NAE1: variants seen among roughly 807,000 people sequenced by gnomAD.
NAE1 encodes NEDD8 activating enzyme E1 subunit 1.
A neutral mutation model predicts 88.0 loss-of-function variants in NAE1; 59 were observed. The ratio of observed to expected loss-of-function variants is 0.67; its 90% CI spans 0.54 to 0.83. The LOEUF is 0.83. Ranked by LOEUF, NAE1 falls within the 40% of genes least tolerant of loss-of-function variation. The pLI is 0.00. For missense variants in NAE1, 554 were observed against 632.8 expected (o/e 0.88, Z 1.34); for synonymous variants, 186 against 208.9 (o/e 0.89, Z 0.95).
In NAE1 at chr16:66,802,978, A is replaced by G; in HGVS notation, c.*31T>C. Reference sequence around the variant, plus strand: ...CCCGAAGGCAATTACAGTTTCAATCATTAACACACTACTTAAGGTGCTTGC... The same window carrying G: ...CCCGAAGGCAATTACAGTTTCAATCGTTAACACACTACTTAAGGTGCTTGC... On this transcript the variant is annotated 3_prime_UTR_variant, in exon 20 of 20. Coordinates refer to ENST00000290810, the MANE Select transcript of NAE1 (RefSeq NM_003905.4). The G allele has an allele frequency of 7.3e-7, 1 of 1,361,630 alleles. No homozygotes were observed. The highest frequency in any genetic ancestry group is 1.1e-6 in the Non-Finnish European group (1 of 950,836). 84.3% of individuals were successfully genotyped at this position (1,361,630 alleles called of 1,614,324 possible).
intron 4 of NAE1, among the ~76,000 whole-genome samples, chr16:66,824,075 T>C (rs565261382): frequency 6.6e-6 from 1 of 152,196 alleles, no homozygotes; most frequent in East Asian, 1.9e-4. Flanking sequence ...CAACAGAATA[T>C]TACTTAAAAC....
rs555207416 is a variant in NAE1 at position 66,818,538 on chromosome 16, A to G, written c.611T>C (p.Met204Thr). 5.7e-5 allele frequency: 92 copies of G among 1,605,364 alleles called. No homozygotes were observed. In the South Asian group the frequency reaches 8.3e-4, roughly 14 times the overall value. Residue 204 changes from methionine to threonine, a missense_variant, in exon 8 of 20, where the codon ATG becomes ACG. By Grantham distance (81) the Met-to-Thr change is moderately conservative (BLOSUM62 -1). Transcript: ENST00000290810. ...EHFQSYDLDH[M>T]EKKDHSHTPW... ...ACACACACTACCAACCTTTTTTTCC[A>G]TATGATCCAAATCATAGGACTGAAA...
intron 6 of NAE1, among the ~76,000 whole-genome samples, chr16:66,822,675 T>A (rs1960316639): frequency 7.1e-6 from 1 of 141,674 alleles, no homozygotes; most frequent in Admixed American, 6.9e-5. Context: ...TATTTATTTA[T>A]TTTTTTTTTT....
At chr16:66,825,444 C>T (rs927338784) in intron 3 of NAE1, among the ~76,000 whole-genome samples, 12 of 140,200 alleles carry the variant, frequency 8.6e-5, no homozygotes, top group Admixed American at 2.9e-4. Context: ...AAGACTCCGT[C>T]TCAAAAAAAA....
chr16:66,824,189 T>C (rs1960372063), intron 4 of NAE1, among the ~76,000 whole-genome samples: 1 of 152,224 alleles, frequency 6.6e-6, no homozygotes, highest in Non-Finnish European at 1.5e-5. Context: ...GGCAGGGATA[T>C]CCTGGATCAA....
rs1960399826 is a variant in NAE1 at position 66,824,844 on chromosome 16, T to TA, written c.249+10dup. The TA allele has an allele frequency of 6.2e-7, 1 of 1,607,204 alleles. No individual in the cohort carries two copies. The highest frequency in any genetic ancestry group is 1.7e-5 in the Admixed American group (1 of 59,574). On this transcript the variant is annotated intron_variant, in intron 4 of 19. Transcript: ENST00000290810. ...GATGCTCACATCCAACTATATTCTC[T>TA]AATTGTTTACCTTGCCGATACTGCT...
intron 10 of NAE1, 130 bp downstream of exon 10, chr16:66,816,835 T>G: frequency 6.9e-7 from 1 of 1,445,712 alleles, no homozygotes; most frequent in Non-Finnish European, 9.2e-7. Flanking sequence ...CTTCTTAACT[T>G]CTCCAGAAGG....
At chr16:66,816,097 TAAACTA>T (rs1960034760) in intron 11 of NAE1, among the ~76,000 whole-genome samples, 2 of 152,298 alleles carry the variant, frequency 1.3e-5, no homozygotes, top group Admixed American at 1.3e-4. Context: ...AATTCTAACT[TAAACTA>T]CCAGGTGTTA....
intron 14 of NAE1, 71 bp from the exon 15 acceptor site, chr16:66,810,484 C>T (rs1408630364): frequency 7.2e-6 from 10 of 1,388,084 alleles, no homozygotes; most frequent in Non-Finnish European, 1.0e-5. Flanking sequence ...GGCACAAAGC[C>T]AATCACTGTG....
intron 1 of NAE1, among the ~76,000 whole-genome samples, chr16:66,829,297 C>T (rs1346394464): frequency 6.6e-6 from 1 of 152,166 alleles, no homozygotes; most frequent in Non-Finnish European, 1.5e-5. Context: ...ATTAGAAACA[C>T]AAGAACTCCA....
chr16:66,804,811 A>AT (rs34906669), intron 19 of NAE1, among the ~76,000 whole-genome samples: 75,079 of 150,238 alleles, frequency 0.5, 19,360 homozygotes, highest in East Asian at 0.63. Flanking sequence ...TTCTCTTGCC[A>AT]TTTTTTTTTT....
At chr16:66,811,372 G>A (rs763233023) in intron 13 of NAE1, among the ~76,000 whole-genome samples, 24 of 152,054 alleles carry the variant, frequency 1.6e-4, no homozygotes, top group Non-Finnish European at 3.1e-4. Flanking sequence ...TGCCCAGGCT[G>A]GTCTTGAACT....
chr16:66,823,971 A>C (rs1960365182), intron 4 of NAE1, among the ~76,000 whole-genome samples: 1 of 152,170 alleles, frequency 6.6e-6, no homozygotes, highest in South Asian at 2.1e-4. Context: ...TCCTGGTCTC[A>C]AGCAATCCTC....
At position 66,812,250 on chromosome 16, in the gene NAE1, T is replaced by C. The variant is rs144323659; in HGVS notation, c.1034+1314A>G. On this transcript the variant is annotated intron_variant, in intron 13 of 19. Coordinates refer to ENST00000290810, the MANE Select transcript of NAE1 (RefSeq NM_003905.4). Reference sequence around the variant, plus strand: ...GCCATTTACCAGCTATCTGACCTTGTATAAGTAACCTTTTCAATACCTTAG... The same window carrying C: ...GCCATTTACCAGCTATCTGACCTTGCATAAGTAACCTTTTCAATACCTTAG... 2.1e-4 allele frequency among the ~76,000 whole-genome samples: 32 copies of C among 152,324 alleles called. No homozygotes were observed. The East Asian group carries it at 4.4e-3, about 21-fold the overall frequency.
intron 7 of NAE1, among the ~76,000 whole-genome samples, chr16:66,819,848 A>G (rs1295367901): frequency 6.6e-6 from 1 of 152,204 alleles, no homozygotes; most frequent in Non-Finnish European, 1.5e-5. Flanking sequence ...CTGAACCTTC[A>G]TTATTATCTA....
At chr16:66,829,426 C>T (rs1960602490) in intron 1 of NAE1, among the ~76,000 whole-genome samples, 1 of 152,196 alleles carries the variant, frequency 6.6e-6, no homozygotes, top group African/African-American at 2.4e-5. Context: ...CCTTAGTTTA[C>T]ATCCTGGCTC....
chr16:66,828,849 C>T (rs531232911), intron 1 of NAE1, among the ~76,000 whole-genome samples: 2 of 152,108 alleles, frequency 1.3e-5, no homozygotes, highest in African/African-American at 2.4e-5. Flanking sequence ...GTGGCACATG[C>T]CTGTAGTCCC....
chr16:66,816,961 T>C lies in NAE1; in HGVS notation c.748+4A>G. On this transcript the variant is annotated splice_donor_region_variant and intron_variant, in intron 10 of 19. Transcript: ENST00000290810. ...ATACAGTATTTAATCATATCCCATATTACCTTGTCTAATCAAATCTCTGAA... is the reference window on the plus strand; with the variant it reads ...ATACAGTATTTAATCATATCCCATACTACCTTGTCTAATCAAATCTCTGAA... 6 of 1,596,098 alleles carry C rather than the reference T, an allele frequency of 3.8e-6. No homozygotes were observed. The highest frequency in any genetic ancestry group is 5.1e-6 in the Non-Finnish European group (6 of 1,175,542).
chr16:66,808,972 A>G lies in NAE1; in HGVS notation c.1237+17T>C, dbSNP rs1405664808. 2.0e-6 allele frequency: 3 copies of G among 1,506,554 alleles called. No homozygotes were observed. The highest frequency in any genetic ancestry group is 1.8e-6 in the Non-Finnish European group (2 of 1,102,872). The allele number at this position is 1,506,554 out of a possible 1,614,324, so 93.3% of individuals were successfully genotyped here. A position where few individuals can be genotyped will look rare whatever the true frequency, so the allele number is the denominator to read the frequency against. On this transcript the variant is annotated intron_variant, in intron 16 of 19. Coordinates refer to ENST00000290810, the MANE Select transcript of NAE1 (RefSeq NM_003905.4). ...TTAATTAAAATTAACCCAGAATCAG[A>G]AGGCTATTATACTTACTAATTTCAT...
Sources: allele counts gnomAD v4.1 joint callset (sites outside exome capture counted in the v4.1 genomes callset), GRCh38; gene constraint gnomAD v4.1.1; transcripts MANE v1.5; gene names NCBI Gene and HGNC (gene_info 2026-07-23, HGNC 2026-07-21).